Variants in DENND2A observed in about 807,000 individuals in gnomAD.
DENND2A encodes the protein DENN domain containing 2A, also known as DENN domain-containing protein 2A.
DENND2A carries 53 observed loss-of-function variants against 105.3 expected under a neutral mutation model. That is an observed-to-expected ratio of 0.50 (90% CI 0.40 to 0.63). The LOEUF is 0.63. Among genes scored for constraint, DENND2A ranks in the 30% least tolerant of loss-of-function variants. The probability of loss-of-function intolerance (pLI) is 0.00; values close to 1 mark genes in which losing one functional copy is unlikely to be tolerated. For missense variants in DENND2A, 1,138 were observed against 1,279.6 expected (o/e 0.89, Z 1.69); for synonymous variants, 522 against 508.4 (o/e 1.03, Z -0.36).
In DENND2A at chr7:140,602,338, A is replaced by G. The variant is rs774842835; in HGVS notation, c.60T>C (p.Ala20=). Residue 20 remains alanine (A), a synonymous_variant, in exon 3 of 20, where the codon GCT becomes GCC. Transcript: ENST00000496613. The part of the protein sequence containing the change: ...ISDPAAEASR[A]GKKQLRGVQN... Reference sequence around the variant, plus strand: ...GAACACCTCTGAGCTGCTTCTTCCCAGCCCTGCTGGCTTCTGCAGCTGGGT... The same window carrying G: ...GAACACCTCTGAGCTGCTTCTTCCCGGCCCTGCTGGCTTCTGCAGCTGGGT... 4.7e-5 allele frequency: 75 copies of G among 1,598,064 alleles called. No individual in the cohort carries two copies. The highest frequency in any genetic ancestry group is 5.8e-5 in the Non-Finnish European group (68 of 1,176,752).
At chr7:140,611,430 G>A (rs912006983) in intron 1 of DENND2A, among the ~76,000 whole-genome samples, 4 of 152,114 alleles carry the variant, frequency 2.6e-5, no homozygotes, top group African/African-American at 4.8e-5. Flanking sequence ...CCCCAGCTAC[G>A]CAGGAGGCTT....
intron 18 of DENND2A, 67 bp downstream of exon 18, chr7:140,521,788 C>T: frequency 1.3e-6 from 2 of 1,590,676 alleles, no homozygotes; most frequent in Non-Finnish European, 1.7e-6. Context: ...TTTCTCCCTA[C>T]TCATCAGCCG....
At chr7:140,587,842 GA>G in intron 3 of DENND2A, 62 bp from the exon 4 acceptor site, 1 of 1,455,752 alleles carries the variant, frequency 6.9e-7, no homozygotes, top group Admixed American at 2.5e-5. Flanking sequence ...CTGTTTCAGA[GA>G]ATATATTAAT....
chr7:140,564,656 T>C (rs1258641396), intron 9 of DENND2A, among the ~76,000 whole-genome samples: 1 of 152,192 alleles, frequency 6.6e-6, no homozygotes, highest in African/African-American at 2.4e-5. Flanking sequence ...ACAGTGAATG[T>C]GCAACTTTAC....
chr7:140,629,087 A>G (rs1336544691), intron 1 of DENND2A, among the ~76,000 whole-genome samples: 1 of 152,180 alleles, frequency 6.6e-6, no homozygotes, highest in Admixed American at 6.6e-5. Flanking sequence ...CACGCCCTTA[A>G]ACTCACAGAA....
At chr7:140,568,923 A>G in intron 7 of DENND2A, 110 bp from the exon 8 acceptor site, 1 of 1,102,770 alleles carries the variant, frequency 9.1e-7, no homozygotes. Flanking sequence ...GGGGATGTTG[A>G]GTTGCCTCTT....
In DENND2A at chr7:140,628,905, T is replaced by G. The variant is rs183552923; in HGVS notation, c.-248+11599A>C. Among the ~76,000 whole-genome samples the G allele has an allele frequency of 8.5e-5, 13 of 152,282 alleles. No homozygotes were observed. In the South Asian group the frequency reaches 1.5e-3, roughly 17 times the overall value. On this transcript the variant is annotated intron_variant, in intron 1 of 19. Coordinates refer to ENST00000496613, the MANE Select transcript of DENND2A (RefSeq NM_015689.5). The stretch of plus-strand genomic sequence containing the variant: ...GTTTAAAACTAATCAATATGATTAA[T>G]CAGCAAGCTGGAGACAGTTCTCTTT...
At chr7:140,620,319 C>A (rs1800236548) in intron 1 of DENND2A, among the ~76,000 whole-genome samples, 1 of 123,672 alleles carries the variant, frequency 8.1e-6, no homozygotes. Context: ...ACCTTGTGTC[C>A]AAAATGAATG....
chr7:140,539,897 CG>C (rs1416204940), intron 14 of DENND2A, among the ~76,000 whole-genome samples: 6 of 152,166 alleles, frequency 3.9e-5, no homozygotes, highest in African/African-American at 1.4e-4. Context: ...TATTGGGCAG[CG>C]GGGAGAGCAT....
At chr7:140,635,132 G>A (rs1320236571) in intron 1 of DENND2A, among the ~76,000 whole-genome samples, 1 of 151,904 alleles carries the variant, frequency 6.6e-6, no homozygotes, top group Non-Finnish European at 1.5e-5. Context: ...GTGTGGTGGT[G>A]CGCACCTATA....
chr7:140,578,362 C>T (rs1288462500), intron 5 of DENND2A, among the ~76,000 whole-genome samples: 1 of 152,092 alleles, frequency 6.6e-6, no homozygotes, highest in East Asian at 1.9e-4. Flanking sequence ...CCTCTACTGC[C>T]CCTGACTTTA....
intron 13 of DENND2A, among the ~76,000 whole-genome samples, chr7:140,545,980 T>C (rs1184873753): frequency 6.6e-6 from 1 of 152,178 alleles, no homozygotes; most frequent in Non-Finnish European, 1.5e-5. Flanking sequence ...TCCAGGCCTA[T>C]TCTCCTCCCT....
At chr7:140,555,574 T>G in intron 12 of DENND2A, 62 bp downstream of exon 12, 1 of 1,448,028 alleles carries the variant, frequency 6.9e-7, no homozygotes, top group Non-Finnish European at 9.6e-7. Flanking sequence ...GGGTATTCCC[T>G]GGAGCCCTCT....
intron 18 of DENND2A, among the ~76,000 whole-genome samples, chr7:140,521,162 C>T (rs1481570426): frequency 6.6e-6 from 1 of 152,202 alleles, no homozygotes. Flanking sequence ...AGGCGTGAGC[C>T]ACCATGCCCG....
At chr7:140,543,779 A>T (rs1203023798) in intron 14 of DENND2A, 1 of 152,208 alleles carries the variant, frequency 6.6e-6, no homozygotes, top group Non-Finnish European at 1.5e-5. Context: ...TTTTTAGCAG[A>T]GACGGAGTTT....
At chr7:140,622,780 C>T (rs1800343757) in intron 1 of DENND2A, among the ~76,000 whole-genome samples, 1 of 152,016 alleles carries the variant, frequency 6.6e-6, no homozygotes, top group Non-Finnish European at 1.5e-5. Context: ...CTATGTTGCC[C>T]AGGCTGGTCT....
chr7:140,624,868 G>GTTTTTTTTTTTTTTTTTTTTT (rs1367069950), intron 1 of DENND2A, among the ~76,000 whole-genome samples: 2 of 109,214 alleles, frequency 1.8e-5, no homozygotes, highest in Admixed American at 9.1e-5. Flanking sequence ...GTTTTTTTTT[G>GTTTTTTTTTTTTTTTTTTTTT]TTTTTTTTTT....
At chr7:140,529,037 G>A (rs1322664101) in intron 14 of DENND2A, among the ~76,000 whole-genome samples, 3 of 152,040 alleles carry the variant, frequency 2.0e-5, no homozygotes, top group East Asian at 1.9e-4. Flanking sequence ...CCTGGGAGGC[G>A]GAGGTTGCAG....
At chr7:140,570,334 A>T (rs1798041153) in intron 6 of DENND2A, among the ~76,000 whole-genome samples, 1 of 152,194 alleles carries the variant, frequency 6.6e-6, no homozygotes, top group Non-Finnish European at 1.5e-5. Flanking sequence ...CCCATTGCTC[A>T]TGATGCGATG....
Sources: allele counts gnomAD v4.1 joint callset (sites outside exome capture counted in the v4.1 genomes callset), GRCh38; gene constraint gnomAD v4.1.1; transcripts MANE v1.5; gene names NCBI Gene and HGNC (gene_info 2026-07-23, HGNC 2026-07-21).